TNPO1: variants seen among roughly 807,000 people sequenced by gnomAD.
TNPO1 encodes transportin 1.
Under a neutral mutation model 119.5 loss-of-function variants are expected in TNPO1, and 8 were observed. The ratio of observed to expected loss-of-function variants is 0.07; its 90% CI spans 0.04 to 0.12. The LOEUF (loss-of-function observed/expected upper bound fraction) is 0.12, where lower values mean the gene tolerates loss of function less well. Ranked by LOEUF, TNPO1 falls within the 10% of genes least tolerant of loss-of-function variation. The pLI is 1.00. For missense variants in TNPO1, 576 were observed against 1,089.8 expected (o/e 0.53, Z 6.64); for synonymous variants, 362 against 363.0 (o/e 1.00, Z 0.03).
intron 8 of TNPO1, among the ~76,000 whole-genome samples, chr5:72,876,780 A>G (rs1440910719): frequency 6.6e-6 from 1 of 152,294 alleles, no homozygotes; most frequent in Non-Finnish European, 1.5e-5. Flanking sequence ...TGTATTTTAT[A>G]GTCACCTAGG....
intron 1 of TNPO1, among the ~76,000 whole-genome samples, chr5:72,839,561 T>A (rs1254789948): frequency 2.0e-5 from 3 of 152,210 alleles, no homozygotes; most frequent in African/African-American, 7.2e-5. Context: ...TACAAATTAT[T>A]ATGTAACTTT....
At chr5:72,838,173 T>A (rs942992439) in intron 1 of TNPO1, among the ~76,000 whole-genome samples, 1 of 152,224 alleles carries the variant, frequency 6.6e-6, no homozygotes, top group Non-Finnish European at 1.5e-5. Flanking sequence ...ATAAATACAG[T>A]GCTGTGTTCC....
At chr5:72,840,040 A>G (rs144011606) in intron 1 of TNPO1, among the ~76,000 whole-genome samples, 3 of 152,204 alleles carry the variant, frequency 2.0e-5, no homozygotes, top group Non-Finnish European at 4.4e-5. Flanking sequence ...ATCTGAAGTG[A>G]TTGACCTGAA....
rs866863869 is a variant in TNPO1, at chr5:72,883,164, G to A, written c.1082G>A (p.Gly361Glu). The part of the protein sequence containing the change: ...RTVAQQHDED[G>E]IEEEDDDDDE... ...GTGGCTCAGCAGCATGATGAAGATG[G>A]AATTGAAGAGGAAGATGATGATGAT... is the stretch of plus-strand genomic sequence containing the variant. The change falls in exon 11 of 25, where the codon GGA (glycine) becomes GAA (glutamate). Residue 361 changes from glycine to glutamate, a missense_variant. By Grantham distance (98) the Gly-to-Glu change is moderately conservative (BLOSUM62 -2). Coordinates refer to ENST00000337273, the MANE Select transcript of TNPO1 (RefSeq NM_002270.4). 3 of 1,611,508 alleles carry A rather than the reference G, an allele frequency of 1.9e-6. No homozygotes were observed. Among genetic ancestry groups the A allele is most frequent in the Non-Finnish European group, 1.7e-6 (2 of 1,177,646 alleles).
In TNPO1 at chr5:72,888,238, A is replaced by G; in HGVS notation, c.1464A>G (p.Pro488=). The G allele has an allele frequency of 6.2e-7, 1 of 1,614,180 alleles. No homozygotes were observed. The change falls in exon 13 of 25, where the codon CCA becomes CCG. Residue 488 remains proline, a synonymous_variant. Transcript: ENST00000337273. ...VSQPPDTYLK[P]LMTELLKRIL... ...AGCCGCCAGACACGTACCTGAAGCC[A>G]TTAATGACAGAATTGCTAAAGCGCA... is the stretch of plus-strand genomic sequence containing the variant.
chr5:72,840,511 A>C (rs1744861288), intron 1 of TNPO1, among the ~76,000 whole-genome samples: 1 of 152,190 alleles, frequency 6.6e-6, no homozygotes. Context: ...AATCTGCCAC[A>C]TACTAGCTGG....
In TNPO1 at chr5:72,888,268, G is replaced by A; in HGVS notation, c.1494G>A (p.Leu498=). The change falls in exon 13 of 25, where the codon CTG becomes CTA. Residue 498 remains leucine, a synonymous_variant. Coordinates refer to ENST00000337273, the MANE Select transcript of TNPO1 (RefSeq NM_002270.4). ...PLMTELLKRI[L]DSNKRVQEAA... ...TGACAGAATTGCTAAAGCGCATCCT[G>A]GACAGCAACAAGAGAGTACAAGAAG... 6.2e-7 allele frequency: 1 copy of A among 1,614,062 alleles called. No homozygotes were observed. The highest frequency in any genetic ancestry group is 8.5e-7 in the Non-Finnish European group (1 of 1,180,016).
chr5:72,911,641 A>G lies in TNPO1; in HGVS notation c.*2968A>G, dbSNP rs1352265262. On this transcript the variant is annotated 3_prime_UTR_variant, in exon 25 of 25. Transcript: ENST00000337273. ...TTGACTGAATGTCTATAAAATTGTG[A>G]GTTTGTCTTTGTTACATTCCAGTGT... is the stretch of plus-strand genomic sequence containing the variant. The G allele has an allele frequency of 6.6e-6, 1 of 152,488 alleles. No homozygotes were observed. The highest frequency in any genetic ancestry group is 1.5e-5 in the Non-Finnish European group (1 of 67,946). The allele number at this position is 152,488 out of a possible 1,614,324, so 9.4% of individuals were successfully genotyped here.
chr5:72,886,888 C>CAA (rs5868651), intron 11 of TNPO1, among the ~76,000 whole-genome samples, 182 bp from the exon 12 acceptor site: 81 of 70,270 alleles, frequency 1.2e-3, no homozygotes, highest in Middle Eastern at 8.9e-3. Context: ...GACTCCATCT[C>CAA]AAAAAAAAAA....
At chr5:72,846,395 CGTT>C (rs10561804) in intron 1 of TNPO1, among the ~76,000 whole-genome samples, 71,626 of 151,450 alleles carry the variant, frequency 0.47, 18,086 homozygotes, top group Admixed American at 0.6. Context: ...GTGTAAAAAA[CGTT>C]GTAGAGTTAG....
In TNPO1 at chr5:72,848,508, C is replaced by T. The variant is rs748205758; in HGVS notation, c.129+10C>T. ...GAGAACCGTGCAACAAGTATCCTTT[C>T]CGAGGCCTGGCCGCCACCCGCGCAG... On this transcript the variant is annotated intron_variant, in intron 2 of 24. Coordinates refer to ENST00000337273, the MANE Select transcript of TNPO1 (RefSeq NM_002270.4). 1.3e-6 allele frequency: 2 copies of T among 1,528,204 alleles called. No individual in the cohort carries two copies. The highest frequency in any genetic ancestry group is 2.8e-5 in the African/African-American group (2 of 70,392). The allele number at this position is 1,528,204 out of a possible 1,614,324, so 94.7% of individuals were successfully genotyped here.
intron 4 of TNPO1, 128 bp downstream of exon 4, chr5:72,856,051 T>G: frequency 1.1e-6 from 1 of 933,988 alleles, no homozygotes; most frequent in South Asian, 1.5e-5. Flanking sequence ...TTTCATTGCC[T>G]TTAAATGCTT....
chr5:72,856,422 A>G (rs1470694079), intron 4 of TNPO1, among the ~76,000 whole-genome samples: 1 of 151,856 alleles, frequency 6.6e-6, no homozygotes, highest in Non-Finnish European at 1.5e-5. Context: ...TAGTAGAGAC[A>G]GGGTTTTACC....
chr5:72,886,856 T>A (rs1174087337), intron 11 of TNPO1, among the ~76,000 whole-genome samples: 2 of 116,412 alleles, frequency 1.7e-5, no homozygotes, highest in African/African-American at 6.9e-5. Context: ...ACCACTGCAC[T>A]CCAGCCTGAG....
intron 7 of TNPO1, 98 bp downstream of exon 7, chr5:72,872,818 A>G (rs1206773753): frequency 1.7e-6 from 1 of 595,740 alleles, no homozygotes; most frequent in Non-Finnish European, 2.8e-6. Flanking sequence ...TAAAACAAGA[A>G]TCATTTATAA....
At chr5:72,865,793 C>A in intron 6 of TNPO1, 64 bp downstream of exon 6, 1 of 1,480,136 alleles carries the variant, frequency 6.8e-7, no homozygotes. Context: ...TCTTAGTTTT[C>A]ATTACCTAAT....
intron 1 of TNPO1, among the ~76,000 whole-genome samples, chr5:72,818,100 T>A (rs997001185): frequency 6.6e-6 from 1 of 152,236 alleles, no homozygotes; most frequent in Non-Finnish European, 1.5e-5. Flanking sequence ...AGTACGATTT[T>A]TACTTCATGC....
At chr5:72,904,210 A>G (rs1362735942) in intron 23 of TNPO1, among the ~76,000 whole-genome samples, 6 of 152,224 alleles carry the variant, frequency 3.9e-5, no homozygotes, top group African/African-American at 1.4e-4. Flanking sequence ...TAAAAAATAA[A>G]ATGCAGTTAC....
In TNPO1 at chr5:72,845,874, A is replaced by C. The variant is rs1434625815; in HGVS notation, c.16-2511A>C. Among the ~76,000 whole-genome samples the C allele has an allele frequency of 2.6e-5, 4 of 152,136 alleles. No homozygotes were observed. In the East Asian group the frequency reaches 7.7e-4, roughly 29 times the overall value. ...CCCTTGCTTTAGTTTCTTGTTTAAAAGGGCAGCTAGGGGGTTGAGTGGGCT... is the reference window on the plus strand; with the variant it reads ...CCCTTGCTTTAGTTTCTTGTTTAAACGGGCAGCTAGGGGGTTGAGTGGGCT... On this transcript the variant is annotated intron_variant, in intron 1 of 24. Coordinates refer to ENST00000337273, the MANE Select transcript of TNPO1 (RefSeq NM_002270.4).
Sources: allele counts gnomAD v4.1 joint callset (sites outside exome capture counted in the v4.1 genomes callset), GRCh38; gene constraint gnomAD v4.1.1; transcripts MANE v1.5; gene names NCBI Gene and HGNC (gene_info 2026-07-23, HGNC 2026-07-21).